The following TRPC7 variants were observed in gnomAD, a reference collection of about 807,000 sequenced individuals.
TRPC7 encodes transient receptor potential cation channel subfamily C member 7, also known as short transient receptor potential channel 7.
A neutral mutation model predicts 90.1 loss-of-function variants in TRPC7; 42 were observed. The observed-to-expected ratio is 0.47, with a 90% CI of 0.36 to 0.60. TRPC7 has a LOEUF of 0.60. Ranked by LOEUF, TRPC7 falls within the 20% of genes least tolerant of loss-of-function variation. The pLI is 0.00. For missense variants in TRPC7, 955 were observed against 1,112.3 expected (o/e 0.86, Z 2.01); for synonymous variants, 451 against 436.3 (o/e 1.03, Z -0.42).
chr5:136,363,916 G>A (rs1237086353), intron 1 of TRPC7, among the ~76,000 whole-genome samples: 2 of 152,048 alleles, frequency 1.3e-5, no homozygotes, highest in African/African-American at 4.8e-5. Flanking sequence ...AGCTCCAGGT[G>A]GAGCTGAAAC....
At chr5:136,299,471 T>G (rs1000648801) in intron 3 of TRPC7, among the ~76,000 whole-genome samples, 3 of 151,790 alleles carry the variant, frequency 2.0e-5, no homozygotes, top group Non-Finnish European at 2.9e-5. Flanking sequence ...GACTGTGGCT[T>G]GGATTACATA....
intron 5 of TRPC7, among the ~76,000 whole-genome samples, chr5:136,260,580 G>A (rs1032210488): frequency 2.6e-5 from 4 of 152,160 alleles, no homozygotes; most frequent in Non-Finnish European, 4.4e-5. Flanking sequence ...GGTGGAAAGC[G>A]GTGGAAGAGA....
chr5:136,365,298 A>T lies in TRPC7; in HGVS notation c.-44T>A, dbSNP rs1460901835. 3 of 1,536,854 alleles carry T rather than the reference A, an allele frequency of 2.0e-6. No homozygotes were observed. The African/African-American group carries it at 4.1e-5, about 21-fold the overall frequency. On this transcript the variant is annotated 5_prime_UTR_variant, in exon 1 of 12. Coordinates refer to ENST00000513104, the MANE Select transcript of TRPC7 (RefSeq NM_020389.3). ...GCTTGTTCCTCCTCTAGATGACCGG[A>T]ATCCGGTGTTGAGTCGCCAGAAGCT...
At chr5:136,277,055 G>T (rs534806292) in intron 3 of TRPC7, among the ~76,000 whole-genome samples, 1 of 152,340 alleles carries the variant, frequency 6.6e-6, no homozygotes, top group South Asian at 2.1e-4. Flanking sequence ...TGGGAAGGAT[G>T]CCTGTCACAA....
Position 136,213,343 on chromosome 5 carries a change from G to T in TRPC7, c.*92C>A. The T allele has an allele frequency of 7.4e-7, 1 of 1,360,198 alleles. No individual in the cohort carries two copies. 84.3% of individuals were successfully genotyped at this position (1,360,198 alleles called of 1,614,324 possible). A position where few individuals can be genotyped will look rare whatever the true frequency, so the allele number is the denominator to read the frequency against. The stretch of plus-strand genomic sequence containing the variant: ...ATCCCCTTCGTGTCCTAGAGGAGTG[G>T]GCTGGGGACCCCTCCCCACCAAGGA... On this transcript the variant is annotated 3_prime_UTR_variant, in exon 12 of 12. Transcript: ENST00000513104.
At chr5:136,257,064 G>A (rs11747762) in intron 5 of TRPC7, among the ~76,000 whole-genome samples, 7 of 152,224 alleles carry the variant, frequency 4.6e-5, no homozygotes, top group Admixed American at 1.3e-4. Context: ...GGGCACATTC[G>A]AGTGATGAGC....
At chr5:136,331,394 G>A (rs564660488) in intron 2 of TRPC7, among the ~76,000 whole-genome samples, 1 of 152,210 alleles carries the variant, frequency 6.6e-6, no homozygotes, top group South Asian at 2.1e-4. Flanking sequence ...GGCCCTGGAG[G>A]TACAATGGAG....
chr5:136,288,996 T>A (rs1318018464), intron 3 of TRPC7, among the ~76,000 whole-genome samples: 2 of 152,218 alleles, frequency 1.3e-5, no homozygotes, highest in Non-Finnish European at 2.9e-5. Context: ...TCACTGAATT[T>A]CAGCCTGATG....
At chr5:136,229,885 G>A (rs545214067) in intron 8 of TRPC7, among the ~76,000 whole-genome samples, 9 of 152,290 alleles carry the variant, frequency 5.9e-5, no homozygotes, top group South Asian at 4.2e-4. Flanking sequence ...CCCAGAGGAC[G>A]CCCGGTCAAA....
rs532725995 is a variant in TRPC7, at chr5:136,336,105, T to G, written c.781-20326A>C. ...CTGCCTTTATGTCTTTTTTCTCTTCTCCACTTGCCAAACTCTTACTCATTC... is the reference window on the plus strand; with the variant it reads ...CTGCCTTTATGTCTTTTTTCTCTTCGCCACTTGCCAAACTCTTACTCATTC... On this transcript the variant is annotated intron_variant, in intron 2 of 11. Coordinates refer to ENST00000513104, the MANE Select transcript of TRPC7 (RefSeq NM_020389.3). Among the ~76,000 whole-genome samples, 8 of 152,186 alleles carry G rather than the reference T, an allele frequency of 5.3e-5. No homozygotes were observed. The East Asian group carries it at 1.5e-3, about 29-fold the overall frequency.
At chr5:136,225,401 A>G (rs745731298) in intron 9 of TRPC7, 47 bp from the exon 10 acceptor site, 2 of 1,557,128 alleles carry the variant, frequency 1.3e-6, no homozygotes, top group Middle Eastern at 1.7e-4. Context: ...AAAAACATAC[A>G]TGCATCCCTA....
chr5:136,241,417 A>C (rs766577116), intron 7 of TRPC7, among the ~76,000 whole-genome samples: 1 of 152,276 alleles, frequency 6.6e-6, no homozygotes, highest in Admixed American at 6.5e-5. Context: ...AAGGGGAGAC[A>C]GGGGCCCACC....
chr5:136,219,508 G>A (rs1580831656), intron 10 of TRPC7, among the ~76,000 whole-genome samples: 1 of 151,182 alleles, frequency 6.6e-6, no homozygotes, highest in African/African-American at 2.5e-5. Flanking sequence ...GCTCATGCCT[G>A]TAATCCTAGC....
At chr5:136,281,531 C>G (rs1757549972) in intron 3 of TRPC7, among the ~76,000 whole-genome samples, 2 of 152,198 alleles carry the variant, frequency 1.3e-5, no homozygotes, top group Admixed American at 6.5e-5. Context: ...AGCCTGAGTT[C>G]TGACTGGATA....
At chr5:136,363,218 C>T (rs1377961726) in intron 1 of TRPC7, among the ~76,000 whole-genome samples, 1 of 152,136 alleles carries the variant, frequency 6.6e-6, no homozygotes, top group African/African-American at 2.4e-5. Flanking sequence ...CTCACTTCTT[C>T]ACACTACTCC....
intron 2 of TRPC7, among the ~76,000 whole-genome samples, chr5:136,337,621 G>C (rs954014082): frequency 1.3e-5 from 2 of 150,110 alleles, no homozygotes; most frequent in Admixed American, 1.3e-4. Flanking sequence ...AGCCAAGATT[G>C]TGCCACTGCA....
At chr5:136,361,609 G>GT (rs1288812166) in intron 1 of TRPC7, among the ~76,000 whole-genome samples, 3 of 152,088 alleles carry the variant, frequency 2.0e-5, no homozygotes, top group African/African-American at 4.8e-5. Context: ...TAATCAAAAT[G>GT]TTTTTTTAGA....
intron 5 of TRPC7, among the ~76,000 whole-genome samples, chr5:136,257,469 C>T (rs1180638297): frequency 3.3e-5 from 5 of 152,036 alleles, no homozygotes; most frequent in Non-Finnish European, 7.3e-5. Context: ...GCATGAGCCA[C>T]CACTTCCGGC....
chr5:136,225,954 C>G, intron 9 of TRPC7, 80 bp downstream of exon 9: 1 of 1,226,316 alleles, frequency 8.2e-7, no homozygotes, highest in Non-Finnish European at 1.1e-6. Context: ...GGGAGGGCAG[C>G]CATATGACTC....
Sources: allele counts gnomAD v4.1 joint callset (sites outside exome capture counted in the v4.1 genomes callset), GRCh38; gene constraint gnomAD v4.1.1; transcripts MANE v1.5; gene names NCBI Gene and HGNC (gene_info 2026-07-23, HGNC 2026-07-21).